Variants in SLC26A7 observed in about 807,000 individuals in gnomAD.
The protein encoded by SLC26A7 is solute carrier family 26 member 7, also known as anion exchange transporter.
Under a neutral mutation model 82.5 loss-of-function variants are expected in SLC26A7, and 59 were observed. The ratio of observed to expected loss-of-function variants is 0.72; its 90% confidence interval spans 0.58 to 0.89. SLC26A7 has a LOEUF of 0.89. Among genes scored for constraint, SLC26A7 ranks in the 40% least tolerant of loss-of-function variants. The probability of loss-of-function intolerance (pLI) is 0.00; values close to 1 mark genes in which losing one functional copy is unlikely to be tolerated. For synonymous variants in SLC26A7, 271 were observed against 274.3 expected (o/e 0.99, Z 0.12); for missense variants, 820 against 793.0 (o/e 1.03, Z -0.41).
rs779610809 is a variant in SLC26A7, at chr8:91,352,851, A to T, written c.1219-50A>T. On this transcript the variant is annotated intron_variant, in intron 10 of 18. Transcript: ENST00000276609. The stretch of plus-strand genomic sequence containing the variant: ...AAAATACCTTAGCCCTTTTAAATTT[A>T]AGTTAAAATTTTTATGTTGCTTCTT... The T allele has an allele frequency of 1.2e-5, 17 of 1,436,284 alleles. No individual in the cohort carries two copies. The South Asian group carries it at 1.9e-4, about 16-fold the overall frequency. 89.0% of individuals were successfully genotyped at this position (1,436,284 alleles called of 1,614,324 possible). A position where few individuals can be genotyped will look rare whatever the true frequency, so the allele number is the denominator to read the frequency against.
intron 8 of SLC26A7, among the ~76,000 whole-genome samples, chr8:91,341,307 G>T (rs1035554912): frequency 1.2e-4 from 18 of 152,098 alleles, no homozygotes; most frequent in Non-Finnish European, 2.1e-4. Context: ...TCCCTACAAA[G>T]GACATGAACT....
intron 4 of SLC26A7, among the ~76,000 whole-genome samples, chr8:91,310,418 T>TG (rs1812448403): frequency 6.6e-6 from 1 of 152,112 alleles, no homozygotes; most frequent in South Asian, 2.1e-4. Flanking sequence ...GTCCCACTGA[T>TG]GGGCAGTTTA....
chr8:91,251,078 C>G (rs1413501765), intron 2 of SLC26A7, among the ~76,000 whole-genome samples: 1 of 151,596 alleles, frequency 6.6e-6, no homozygotes, highest in African/African-American at 2.4e-5. Context: ...TTTCAGCATG[C>G]TATAAATTTA....
chr8:91,362,510 A>T (rs547302680), intron 12 of SLC26A7, 51 bp downstream of exon 12: 5 of 1,386,342 alleles, frequency 3.6e-6, no homozygotes, highest in Non-Finnish European at 5.1e-6. Context: ...AGCAAAATAC[A>T]TGGTTACTTG....
intron 14 of SLC26A7, among the ~76,000 whole-genome samples, chr8:91,369,395 T>C (rs375780597): frequency 3.3e-5 from 5 of 151,864 alleles, no homozygotes; most frequent in African/African-American, 1.2e-4. Flanking sequence ...TCCAGCATTT[T>C]CATGTAGTGG....
chr8:91,333,716 G>A (rs989760304), intron 5 of SLC26A7, among the ~76,000 whole-genome samples: 6 of 152,112 alleles, frequency 3.9e-5, no homozygotes, highest in Non-Finnish European at 5.9e-5. Context: ...ACTGAGCAAC[G>A]TCTCAATTTT....
chr8:91,309,428 G>T (rs1172786036), intron 4 of SLC26A7, among the ~76,000 whole-genome samples: 1 of 151,488 alleles, frequency 6.6e-6, no homozygotes, highest in Non-Finnish European at 1.5e-5. Context: ...TCCCCCTCCA[G>T]CAGTGAGAAC....
At chr8:91,345,725 G>C (rs75942528) in intron 9 of SLC26A7, among the ~76,000 whole-genome samples, 1,712 of 152,242 alleles carry the variant, frequency 0.011, 35 homozygotes, top group African/African-American at 0.039. Context: ...GGGCAGAAAA[G>C]GTTGAAATAG....
chr8:91,256,384 C>A (rs1018037463), intron 2 of SLC26A7, among the ~76,000 whole-genome samples: 2 of 152,092 alleles, frequency 1.3e-5, no homozygotes, highest in African/African-American at 4.8e-5. Context: ...AGAATAAGGT[C>A]TGACCTCTAG....
At chr8:91,231,008 G>A (rs1810303665) in intron 2 of SLC26A7, among the ~76,000 whole-genome samples, 1 of 152,190 alleles carries the variant, frequency 6.6e-6, no homozygotes, top group African/African-American at 2.4e-5. Context: ...AGCAAAGTGG[G>A]TGGAGACATG....
At chr8:91,364,655 C>T (rs963537462) in intron 13 of SLC26A7, among the ~76,000 whole-genome samples, 1 of 152,170 alleles carries the variant, frequency 6.6e-6, no homozygotes, top group Non-Finnish European at 1.5e-5. Context: ...ATCTCCTTAG[C>T]TTTGAGACTG....
intron 2 of SLC26A7, among the ~76,000 whole-genome samples, chr8:91,234,609 GT>G: frequency 6.6e-6 from 1 of 152,150 alleles, no homozygotes; most frequent in Admixed American, 6.5e-5. Flanking sequence ...GAAATTAAAT[GT>G]TGAAGTATGT....
intron 15 of SLC26A7, among the ~76,000 whole-genome samples, chr8:91,379,561 G>T (rs1031536070): frequency 6.6e-5 from 10 of 151,962 alleles, no homozygotes; most frequent in Non-Finnish European, 1.5e-4. Flanking sequence ...AGAGCAATGG[G>T]AAAGGACAGT....
intron 5 of SLC26A7, among the ~76,000 whole-genome samples, chr8:91,323,780 A>G (rs1007170467): frequency 6.6e-6 from 1 of 150,878 alleles, no homozygotes; most frequent in Non-Finnish European, 1.5e-5. Context: ...CCTGTGGTTA[A>G]TATCCAACTT....
At chr8:91,218,327 A>T (rs1354899420) in intron 1 of SLC26A7, among the ~76,000 whole-genome samples, 1 of 92,336 alleles carries the variant, frequency 1.1e-5, no homozygotes, top group Non-Finnish European at 2.3e-5. Flanking sequence ...AAATTGGCTA[A>T]CAGGATTTTG....
intron 5 of SLC26A7, among the ~76,000 whole-genome samples, chr8:91,329,982 A>G (rs1232867475): frequency 6.6e-6 from 1 of 152,162 alleles, no homozygotes; most frequent in Non-Finnish European, 1.5e-5. Flanking sequence ...ACAGAGAGGA[A>G]AAATGTCATC....
intron 2 of SLC26A7, among the ~76,000 whole-genome samples, chr8:91,253,293 TTCTCAACTC>T (rs1381417134): frequency 6.6e-6 from 1 of 152,100 alleles, no homozygotes; most frequent in Non-Finnish European, 1.5e-5. Flanking sequence ...CTGCACATCA[TTCTCAACTC>T]TTTCCTCTCT....
At chr8:91,257,060 A>G (rs1281300904) in intron 2 of SLC26A7, among the ~76,000 whole-genome samples, 1 of 152,038 alleles carries the variant, frequency 6.6e-6, no homozygotes, top group Non-Finnish European at 1.5e-5. Context: ...CCATGATGAC[A>G]TGTCACCTGC....
At chr8:91,285,263 CAT>C (rs1347542623) in intron 2 of SLC26A7, among the ~76,000 whole-genome samples, 1 of 152,218 alleles carries the variant, frequency 6.6e-6, no homozygotes, top group Non-Finnish European at 1.5e-5. Flanking sequence ...CCTTCATCGT[CAT>C]GTGGCGTTCA....
Sources: gnomAD v4.1 joint callset for allele counts (sites outside exome capture counted in the v4.1 genomes callset) on GRCh38, gnomAD v4.1.1 for gene constraint, MANE v1.5 for transcripts, NCBI Gene and HGNC (gene_info 2026-07-23, HGNC 2026-07-21) for gene names.